ASPRV1: variants seen among roughly 807,000 people sequenced by gnomAD.
ASPRV1 encodes the protein retroviral-like aspartic protease 1.
Under a neutral mutation model 11.0 loss-of-function variants are expected in ASPRV1, and 7 were observed. The ratio of observed to expected loss-of-function variants is 0.64; its 90% CI spans 0.36 to 1.20. The LOEUF is 1.20. ASPRV1 is among the 50% of genes most tolerant of loss of function. ASPRV1 has a pLI of 0.02. For synonymous variants in ASPRV1, 136 were observed against 138.4 expected (o/e 0.98, Z 0.12); for missense variants, 299 against 320.0 (o/e 0.93, Z 0.50).
At chr2:70,056,123 T>A in the ASPRV1 span, 1 of 152,110 alleles carries the variant, frequency 6.6e-6, no homozygotes, top group African/African-American at 2.4e-5. Context: ...TCTATTTATA[T>A]GAGGTAGTAA....
At chr2:69,996,760 C>T in the ASPRV1 span, 1 of 456,612 alleles carries the variant, frequency 2.2e-6, no homozygotes. Context: ...GAGGCTGAGT[C>T]TGTGTGACAC....
downstream of ASPRV1, among the ~76,000 whole-genome samples, chr2:69,959,031 G>A (rs903113854): frequency 4.6e-5 from 7 of 152,174 alleles, no homozygotes; most frequent in Admixed American, 1.3e-4. Flanking sequence ...CAGTTCCCAG[G>A]AGAATCACAG....
chr2:69,958,031 G>A (rs942663686), downstream of ASPRV1, among the ~76,000 whole-genome samples: 11 of 152,152 alleles, frequency 7.2e-5, no homozygotes, highest in African/African-American at 2.7e-4. Context: ...GGAGGCAGGT[G>A]TGAACTCCTC....
the ASPRV1 span, among the ~76,000 whole-genome samples, chr2:69,974,638 G>A: frequency 9.6e-4 from 146 of 152,284 alleles, 1 homozygote; most frequent in Middle Eastern, 6.8e-3. Context: ...ATCTATCAGC[G>A]AAACTGAACT....
chr2:69,993,089 C>T, the ASPRV1 span, among the ~76,000 whole-genome samples: 4 of 152,328 alleles, frequency 2.6e-5, no homozygotes, highest in Admixed American at 6.5e-5. Context: ...CTGGGGACCA[C>T]GTGGCCAGGG....
At chr2:69,991,619 C>A in the ASPRV1 span, among the ~76,000 whole-genome samples, 4 of 152,118 alleles carry the variant, frequency 2.6e-5, no homozygotes, top group African/African-American at 9.7e-5. Flanking sequence ...CCAATCTCGG[C>A]TCACCACAAT....
the ASPRV1 span, among the ~76,000 whole-genome samples, chr2:70,079,823 A>T: frequency 8.5e-4 from 130 of 152,342 alleles, no homozygotes; most frequent in Non-Finnish European, 1.5e-3. Flanking sequence ...AGTACTATCC[A>T]ATGAACACAC....
chr2:70,041,327 G>T, the ASPRV1 span, among the ~76,000 whole-genome samples: 1 of 152,222 alleles, frequency 6.6e-6, no homozygotes, highest in Non-Finnish European at 1.5e-5. Context: ...GCATGCAGGG[G>T]AAGTAACTGG....
chr2:69,974,268 C>T, the ASPRV1 span, among the ~76,000 whole-genome samples: 140 of 150,780 alleles, frequency 9.3e-4, no homozygotes, highest in African/African-American at 3.3e-3. Context: ...ACCTGGGAGG[C>T]GGAGGTTGCA....
At chr2:70,034,791 C>T in the ASPRV1 span, 1 of 152,200 alleles carries the variant, frequency 6.6e-6, no homozygotes, top group Non-Finnish European at 1.5e-5. Flanking sequence ...CCTGCCCCCA[C>T]AGACCCTCTG....
chr2:69,949,032 C>A, the ASPRV1 span, among the ~76,000 whole-genome samples: 1 of 152,170 alleles, frequency 6.6e-6, no homozygotes. Flanking sequence ...ACCCCCGACT[C>A]CACCTGTATA....
the ASPRV1 span, chr2:70,085,903 T>C: frequency 1.3e-5 from 2 of 152,232 alleles, no homozygotes; most frequent in African/African-American, 2.4e-5. Context: ...TGCTAGGAAG[T>C]CTAGAAAAGC....
the ASPRV1 span, among the ~76,000 whole-genome samples, chr2:70,061,851 T>C: frequency 1.3e-5 from 2 of 151,480 alleles, no homozygotes; most frequent in Non-Finnish European, 1.5e-5. Flanking sequence ...CATTCCTAGC[T>C]ACTCTGCAGG....
At chr2:70,032,593 G>C in the ASPRV1 span, among the ~76,000 whole-genome samples, 2 of 152,150 alleles carry the variant, frequency 1.3e-5, no homozygotes, top group Non-Finnish European at 2.9e-5. Flanking sequence ...AGGAGGTTAA[G>C]GCTACAGTAA....
At chr2:70,058,005 G>A in the ASPRV1 span, among the ~76,000 whole-genome samples, 1 of 151,944 alleles carries the variant, frequency 6.6e-6, no homozygotes, top group Non-Finnish European at 1.5e-5. Flanking sequence ...ATGTTGGCCA[G>A]GATGGTCTTG....
chr2:70,061,539 C>A, the ASPRV1 span, among the ~76,000 whole-genome samples: 1 of 152,132 alleles, frequency 6.6e-6, no homozygotes, highest in Non-Finnish European at 1.5e-5. Flanking sequence ...GAACTGTGAG[C>A]AGATGAAGGT....
chr2:69,948,634 G>A, the ASPRV1 span, among the ~76,000 whole-genome samples: 3 of 152,168 alleles, frequency 2.0e-5, no homozygotes, highest in Admixed American at 1.3e-4. Context: ...AGCTCGCCCT[G>A]GAGGAAAGGG....
chr2:69,987,042 G>C, the ASPRV1 span, among the ~76,000 whole-genome samples: 2 of 152,140 alleles, frequency 1.3e-5, no homozygotes, highest in Admixed American at 6.5e-5. Context: ...TGAGAGATGA[G>C]CCACCTTGGG....
the ASPRV1 span, among the ~76,000 whole-genome samples, chr2:69,988,072 TA>T: frequency 6.6e-6 from 1 of 152,170 alleles, no homozygotes; most frequent in African/African-American, 2.4e-5. Flanking sequence ...GTATGTAAAG[TA>T]GTATACAGCC....
Sources: gnomAD v4.1 joint callset for allele counts (sites outside exome capture counted in the v4.1 genomes callset) on GRCh38, gnomAD v4.1.1 for gene constraint, MANE v1.5 for transcripts, NCBI Gene and HGNC (gene_info 2026-07-23, HGNC 2026-07-21) for gene names.